The following PPM1L variants were observed in gnomAD, a reference collection of about 807,000 sequenced individuals.
PPM1L encodes protein phosphatase 1L.
PPM1L carries 13 observed loss-of-function variants against 31.4 expected under a neutral mutation model. The ratio of observed to expected loss-of-function variants is 0.41; its 90% CI spans 0.27 to 0.66. The LOEUF (loss-of-function observed/expected upper bound fraction) is 0.66. Among genes scored for constraint, PPM1L ranks in the 30% least tolerant of loss-of-function variants. The probability of loss-of-function intolerance (pLI) is 0.29; values close to 1 mark genes in which losing one functional copy is unlikely to be tolerated. For missense variants in PPM1L, 326 were observed against 453.7 expected, an observed-to-expected ratio of 0.72 and a Z score of 2.56; for synonymous variants, 184 against 175.4, an observed-to-expected ratio of 1.05 and a Z score of -0.39.
At chr3:160,896,772 C>A (rs1202478308) in intron 1 of PPM1L, among the ~76,000 whole-genome samples, 1 of 152,220 alleles carries the variant, frequency 6.6e-6, no homozygotes, top group Non-Finnish European at 1.5e-5. Context: ...GAAATTTTGA[C>A]AGAATCATAA....
At chr3:160,977,304 C>T (rs1440948015) in intron 2 of PPM1L, among the ~76,000 whole-genome samples, 1 of 152,092 alleles carries the variant, frequency 6.6e-6, no homozygotes, top group Non-Finnish European at 1.5e-5. Flanking sequence ...TTAATCAATC[C>T]TAGGGAATTC....
intron 2 of PPM1L, among the ~76,000 whole-genome samples, chr3:161,001,634 TA>T (rs1285600908): frequency 6.6e-6 from 1 of 152,142 alleles, no homozygotes; most frequent in East Asian, 1.9e-4. Context: ...GCCCAACCAT[TA>T]AAAAATTATT....
chr3:160,930,004 C>T (rs981181620), intron 1 of PPM1L, among the ~76,000 whole-genome samples: 3 of 152,190 alleles, frequency 2.0e-5, no homozygotes, highest in African/African-American at 4.8e-5. Flanking sequence ...GACTTGCCCA[C>T]GTCACCATCA....
chr3:161,046,245 G>C (rs899209682), intron 2 of PPM1L, among the ~76,000 whole-genome samples: 1 of 150,898 alleles, frequency 6.6e-6, no homozygotes, highest in Non-Finnish European at 1.5e-5. Context: ...AATAAAAAAT[G>C]ATAAAGGGGA....
At chr3:161,046,560 A>G (rs1719080809) in intron 2 of PPM1L, among the ~76,000 whole-genome samples, 1 of 152,344 alleles carries the variant, frequency 6.6e-6, no homozygotes, top group African/African-American at 2.4e-5. Context: ...ATCAATAGAA[A>G]AAGAAGGAAT....
chr3:160,856,299 T>C (rs1329689432), intron 1 of PPM1L, among the ~76,000 whole-genome samples: 2 of 152,148 alleles, frequency 1.3e-5, no homozygotes, highest in Non-Finnish European at 1.5e-5. Context: ...CTCTTAATAT[T>C]AACCATCACA....
chr3:160,825,218 T>TTGCAAATAG (rs1713317203), intron 1 of PPM1L, among the ~76,000 whole-genome samples: 1 of 152,166 alleles, frequency 6.6e-6, no homozygotes, highest in Middle Eastern at 3.2e-3. Flanking sequence ...TCTATTTGTC[T>TTGCAAATAG]ACATTTTGCA....
chr3:160,957,577 C>CTT (rs35644904), intron 1 of PPM1L, among the ~76,000 whole-genome samples: 43,479 of 129,028 alleles, frequency 0.34, 9,673 homozygotes, highest in Non-Finnish European at 0.49. Flanking sequence ...TATTATTTGA[C>CTT]TTTTTTTTTT....
intron 1 of PPM1L, among the ~76,000 whole-genome samples, chr3:160,917,194 T>C (rs1348369491): frequency 6.6e-6 from 1 of 152,222 alleles, no homozygotes; most frequent in African/African-American, 2.4e-5. Context: ...TTCAATGACA[T>C]TGAGTAAGCA....
At chr3:160,891,389 GA>G (rs1295887308) in intron 1 of PPM1L, among the ~76,000 whole-genome samples, 4 of 152,014 alleles carry the variant, frequency 2.6e-5, no homozygotes, top group African/African-American at 9.7e-5. Flanking sequence ...CAACAACTAT[GA>G]AAAAAAGCTC....
intron 2 of PPM1L, among the ~76,000 whole-genome samples, chr3:160,998,698 A>G (rs1717397656): frequency 6.6e-6 from 1 of 152,182 alleles, no homozygotes; most frequent in South Asian, 2.1e-4. Context: ...GTTAAAAGTC[A>G]TTTCTTCAGT....
chr3:161,062,644 AATTTT>A (rs1039874462), intron 2 of PPM1L, among the ~76,000 whole-genome samples: 1 of 152,220 alleles, frequency 6.6e-6, no homozygotes, highest in Middle Eastern at 3.4e-3. Context: ...TATGGGACTA[AATTTT>A]ATTTTATTTT....
intron 1 of PPM1L, among the ~76,000 whole-genome samples, chr3:160,761,567 C>T (rs1460928388): frequency 6.6e-6 from 1 of 152,156 alleles, no homozygotes; most frequent in African/African-American, 2.4e-5. Context: ...GCCTGACCTA[C>T]CTCTAGCAAA....
At chr3:160,982,659 T>C (rs1261763739) in intron 2 of PPM1L, among the ~76,000 whole-genome samples, 1 of 152,234 alleles carries the variant, frequency 6.6e-6, no homozygotes, top group Non-Finnish European at 1.5e-5. Flanking sequence ...GGTTGCCTTT[T>C]GTATTGTGTA....
At chr3:160,895,308 G>A (rs567170909) in intron 1 of PPM1L, among the ~76,000 whole-genome samples, 1 of 152,224 alleles carries the variant, frequency 6.6e-6, no homozygotes, top group Admixed American at 6.5e-5. Context: ...AAACTCTTGG[G>A]CTCAAGCAAT....
chr3:161,065,608 G>A (rs759220743), intron 3 of PPM1L, 44 bp downstream of exon 3: 1 of 1,590,832 alleles, frequency 6.3e-7, no homozygotes, highest in Non-Finnish European at 8.6e-7. Context: ...TGTCTTGCTG[G>A]TGAACAAGGC....
chr3:161,020,921 T>C (rs1718220281), intron 2 of PPM1L, among the ~76,000 whole-genome samples: 1 of 152,090 alleles, frequency 6.6e-6, no homozygotes, highest in African/African-American at 2.4e-5. Context: ...TCCCTTCCTG[T>C]ATTCCCAATC....
chr3:161,049,654 G>A (rs936763742), intron 2 of PPM1L, among the ~76,000 whole-genome samples: 6 of 152,190 alleles, frequency 3.9e-5, no homozygotes, highest in Non-Finnish European at 8.8e-5. Flanking sequence ...ATAATCCCAT[G>A]TACCTTGCAG....
chr3:160,885,808 C>T (rs1198303939), intron 1 of PPM1L, among the ~76,000 whole-genome samples: 2 of 152,242 alleles, frequency 1.3e-5, no homozygotes, highest in African/African-American at 4.8e-5. Context: ...CTCTCAGCTG[C>T]AATCTGCTTA....
Sources: gnomAD v4.1 joint callset for allele counts (sites outside exome capture counted in the v4.1 genomes callset) on GRCh38, gnomAD v4.1.1 for gene constraint, MANE v1.5 for transcripts, NCBI Gene and HGNC (gene_info 2026-07-23, HGNC 2026-07-21) for gene names.